The following KAZN variants were observed in gnomAD, a reference collection of about 807,000 sequenced individuals.
KAZN encodes kazrin, periplakin interacting protein.
A neutral mutation model predicts 87.4 loss-of-function variants in KAZN; 40 were observed. The observed-to-expected ratio is 0.46, with a 90% CI of 0.36 to 0.60. KAZN has a LOEUF of 0.60. Among genes scored for constraint, KAZN ranks in the 20% least tolerant of loss-of-function variants. KAZN has a pLI of 0.00. For missense variants in KAZN, 898 were observed against 1,073.9 expected (o/e 0.84, Z 2.29); for synonymous variants, 466 against 458.3 (o/e 1.02, Z -0.22).
chr1:14,639,976 G>T, intron 1 of KAZN, among the ~76,000 whole-genome samples: 1 of 152,172 alleles, frequency 6.6e-6, no homozygotes, highest in Non-Finnish European at 1.5e-5. Flanking sequence ...TCTCCCTGCG[G>T]CATGATGGTG....
intron 2 of KAZN, among the ~76,000 whole-genome samples, chr1:14,195,893 C>A (rs1016182793): frequency 6.6e-6 from 1 of 151,970 alleles, no homozygotes; most frequent in African/African-American, 2.4e-5. Context: ...ACTAGTAAAA[C>A]AAATAAATTT....
chr1:14,655,979 C>T lies in KAZN; in HGVS notation c.226+56756C>T, dbSNP rs115376998. Among the ~76,000 whole-genome samples, 611 of 152,262 alleles carry T rather than the reference C, an allele frequency of 4.0e-3. 4 individuals are homozygous for T. Among genetic ancestry groups the T allele is most frequent in the African/African-American group, 0.013 (544 of 41,540 alleles). ...TGCTGAAGGCGTGCAGCTTATACAG[C>T]GTTTTCACTTGGCACCCTCCCCTTA... On this transcript the variant is annotated intron_variant, in intron 1 of 14. Transcript: ENST00000376030.
intron 1 of KAZN, among the ~76,000 whole-genome samples, chr1:14,173,445 G>T (rs1021555172): frequency 6.6e-6 from 1 of 152,132 alleles, no homozygotes; most frequent in Non-Finnish European, 1.5e-5. Context: ...TCAGGCAAGA[G>T]TTCCTCAAGT....
chr1:14,908,951 C>A (rs1656915710), intron 1 of KAZN, among the ~76,000 whole-genome samples: 1 of 152,110 alleles, frequency 6.6e-6, no homozygotes, highest in Admixed American at 6.6e-5. Flanking sequence ...CCACTGCATT[C>A]CAGCCTGGGT....
At chr1:14,274,934 G>T (rs190209605) in intron 2 of KAZN, among the ~76,000 whole-genome samples, 1 of 151,738 alleles carries the variant, frequency 6.6e-6, no homozygotes, top group African/African-American at 2.4e-5. Context: ...TTATGATTCA[G>T]CAGAGAAAAG....
chr1:14,233,495 T>C (rs1648067314), intron 2 of KAZN, among the ~76,000 whole-genome samples: 1 of 152,136 alleles, frequency 6.6e-6, no homozygotes, highest in African/African-American at 2.4e-5. Flanking sequence ...ATAAAGCATA[T>C]AGCAAAAATG....
intron 1 of KAZN, among the ~76,000 whole-genome samples, chr1:14,121,213 C>G (rs185132062): frequency 6.6e-6 from 1 of 152,300 alleles, no homozygotes; most frequent in African/African-American, 2.4e-5. Context: ...ATAGTATTAG[C>G]AGGCATTCAG....
At chr1:14,299,480 G>GCGACAGAGCAAGCAAGA (rs1553155483) in intron 2 of KAZN, among the ~76,000 whole-genome samples, 1 of 152,132 alleles carries the variant, frequency 6.6e-6, no homozygotes, top group Non-Finnish European at 1.5e-5. Flanking sequence ...TCCAGACTGG[G>GCGACAGAGCAAGCAAGA]CGACAGAGCA....
chr1:14,776,304 TC>T (rs1645174185), intron 1 of KAZN, among the ~76,000 whole-genome samples: 1 of 152,158 alleles, frequency 6.6e-6, no homozygotes, highest in African/African-American at 2.4e-5. Flanking sequence ...GCACCTGGAC[TC>T]CGTTGTGGGA....
At chr1:14,317,375 AT>A (rs1244889178) in intron 2 of KAZN, among the ~76,000 whole-genome samples, 2 of 151,916 alleles carry the variant, frequency 1.3e-5, no homozygotes, top group African/African-American at 4.8e-5. Flanking sequence ...ACATGGTATA[AT>A]TTTTACCTGC....
intron 2 of KAZN, among the ~76,000 whole-genome samples, chr1:14,196,323 A>G (rs72865729): frequency 0.017 from 2,656 of 152,350 alleles, 83 homozygotes; most frequent in African/African-American, 0.061. Flanking sequence ...ATATTCCAAA[A>G]GAGTAACCTG....
intron 1 of KAZN, among the ~76,000 whole-genome samples, chr1:14,614,987 G>A (rs962407777): frequency 2.0e-5 from 3 of 152,200 alleles, no homozygotes; most frequent in Non-Finnish European, 1.5e-5. Flanking sequence ...GACCTCCCAC[G>A]GCTGTTGTAG....
At chr1:14,161,496 C>T (rs1052935956) in intron 1 of KAZN, among the ~76,000 whole-genome samples, 3 of 152,150 alleles carry the variant, frequency 2.0e-5, no homozygotes, top group South Asian at 2.1e-4. Flanking sequence ...ACAAAGTTGC[C>T]GAAGTCTTCA....
chr1:14,103,175 T>C (rs1411418180), intron 1 of KAZN, among the ~76,000 whole-genome samples: 1 of 152,064 alleles, frequency 6.6e-6, no homozygotes, highest in East Asian at 1.9e-4. Context: ...CCCGTCTTGA[T>C]CTCTCAAAGT....
chr1:14,239,440 A>C (rs1245777347), intron 2 of KAZN, among the ~76,000 whole-genome samples: 1 of 146,748 alleles, frequency 6.8e-6, no homozygotes, highest in Non-Finnish European at 1.5e-5. Context: ...TAAATTATAC[A>C]CATAAGTTGG....
chr1:15,019,525 A>T (rs1670452456), intron 2 of KAZN, among the ~76,000 whole-genome samples: 2 of 152,128 alleles, frequency 1.3e-5, no homozygotes, highest in Non-Finnish European at 2.9e-5. Flanking sequence ...AGTATCTGGG[A>T]TTACAAGCGC....
intron 1 of KAZN, among the ~76,000 whole-genome samples, chr1:13,964,563 ACT>A (rs1057006707): frequency 4.7e-4 from 72 of 151,960 alleles, no homozygotes; most frequent in African/African-American, 1.7e-3. Flanking sequence ...CCTCAGGACA[ACT>A]CTGTTCTTTA....
At chr1:14,392,366 T>G (rs1662521100) in intron 2 of KAZN, among the ~76,000 whole-genome samples, 1 of 152,060 alleles carries the variant, frequency 6.6e-6, no homozygotes, top group South Asian at 2.1e-4. Context: ...AGCGACTGAG[T>G]GGTGCCTTCC....
chr1:13,912,050 T>G (rs911010455), intron 1 of KAZN, among the ~76,000 whole-genome samples: 1 of 152,224 alleles, frequency 6.6e-6, no homozygotes, highest in Admixed American at 6.5e-5. Context: ...AAGCCTCTAA[T>G]GTAGGCACTA....
Sources: gnomAD v4.1 joint callset for allele counts (sites outside exome capture counted in the v4.1 genomes callset) on GRCh38, gnomAD v4.1.1 for gene constraint, MANE v1.5 for transcripts, NCBI Gene and HGNC (gene_info 2026-07-23, HGNC 2026-07-21) for gene names.